The following DCC variants were observed in gnomAD, a reference collection of about 807,000 sequenced individuals.
DCC encodes netrin receptor DCC.
DCC carries 58 observed loss-of-function variants against 172.5 expected under a neutral mutation model. That is an observed-to-expected ratio of 0.34 (90% CI 0.27 to 0.42). The LOEUF (loss-of-function observed/expected upper bound fraction) is 0.42, where lower values mean the gene tolerates loss of function less well. Ranked by LOEUF, DCC falls within the 10% of genes least tolerant of loss-of-function variation. DCC has a pLI of 1.00. For missense variants in DCC, 1,740 were observed against 1,791.0 expected (o/e 0.97, Z 0.51); for synonymous variants, 709 against 644.5 (o/e 1.10, Z -1.52).
chr18:52,737,930 G>T (rs2036754104), intron 1 of DCC, among the ~76,000 whole-genome samples: 1 of 152,140 alleles, frequency 6.6e-6, no homozygotes, highest in African/African-American at 2.4e-5. Context: ...CTGTCAATCA[G>T]CAGTATCACC....
chr18:52,632,112 T>C (rs148724437), intron 1 of DCC, among the ~76,000 whole-genome samples: 1 of 152,346 alleles, frequency 6.6e-6, no homozygotes, highest in East Asian at 1.9e-4. Flanking sequence ...TCCTAGTTTC[T>C]GCTAGCAATT....
At position 53,097,343 on chromosome 18, in the gene DCC, T is replaced by C. The variant is rs115975729; in HGVS notation, c.1261+31177T>C. Among the ~76,000 whole-genome samples, 1,030 of 152,328 alleles carry C rather than the reference T, an allele frequency of 6.8e-3. 15 individuals are homozygous for C. Among genetic ancestry groups the C allele is most frequent in the African/African-American group, 0.023 (963 of 41,582 alleles). On this transcript the variant is annotated intron_variant, in intron 7 of 28. Transcript: ENST00000442544. ...TGGGACACCTAGGCCATTATCCTGC[T>C]AACACTACATCCTGTTGCCACCTAT... is the stretch of plus-strand genomic sequence containing the variant.
intron 5 of DCC, 52 bp from the exon 6 acceptor site, chr18:53,063,253 G>A (rs947031979): frequency 1.3e-5 from 20 of 1,572,476 alleles, no homozygotes; most frequent in African/African-American, 1.2e-4. Flanking sequence ...TCAGCAGCAT[G>A]CAAGTTCACA....
rs1185842098 is a variant in DCC at position 53,402,915 on chromosome 18, C to T, written c.2935+22C>T. 5 of 1,504,228 alleles carry T rather than the reference C, an allele frequency of 3.3e-6. No homozygotes were observed. In the East Asian group the frequency reaches 1.1e-4, roughly 34 times the overall value. The allele number at this position is 1,504,228 out of a possible 1,614,324, so 93.2% of individuals were successfully genotyped here. Reference sequence around the variant, plus strand: ...ACTGGTAAGCATCTCCACTTTCTCTCCCAGCATAGCTCTCCCTTGTCCTAT... The same window carrying T: ...ACTGGTAAGCATCTCCACTTTCTCTTCCAGCATAGCTCTCCCTTGTCCTAT... On this transcript the variant is annotated intron_variant, in intron 19 of 28. Coordinates refer to ENST00000442544, the MANE Select transcript of DCC (RefSeq NM_005215.4).
chr18:53,162,199 T>G (rs975905469), intron 8 of DCC, among the ~76,000 whole-genome samples: 1 of 149,262 alleles, frequency 6.7e-6, no homozygotes, highest in Non-Finnish European at 1.5e-5. Flanking sequence ...CTTAGAATGG[T>G]GAGGCAGGGG....
At chr18:52,723,968 G>A (rs965359281) in intron 1 of DCC, among the ~76,000 whole-genome samples, 3 of 152,124 alleles carry the variant, frequency 2.0e-5, no homozygotes, top group Non-Finnish European at 4.4e-5. Flanking sequence ...TCAGAAGTGG[G>A]AAGAGTTGAT....
At chr18:53,206,510 G>GTA (rs374087417) in intron 10 of DCC, among the ~76,000 whole-genome samples, 4 of 65,668 alleles carry the variant, frequency 6.1e-5, no homozygotes, top group East Asian at 2.2e-4. Flanking sequence ...ACATATCTAT[G>GTA]TATATACATG....
At chr18:52,869,998 G>C (rs1371670439) in intron 2 of DCC, among the ~76,000 whole-genome samples, 1 of 151,990 alleles carries the variant, frequency 6.6e-6, no homozygotes, top group Non-Finnish European at 1.5e-5. Context: ...GGGGGCTCCA[G>C]GTCCTCACTG....
intron 2 of DCC, among the ~76,000 whole-genome samples, chr18:52,868,135 T>C (rs1739977617): frequency 2.6e-5 from 4 of 151,594 alleles, no homozygotes; most frequent in African/African-American, 9.7e-5. Context: ...GTGTGTATTA[T>C]ATATAGTTTT....
intron 15 of DCC, among the ~76,000 whole-genome samples, chr18:53,348,263 A>G (rs914331218): frequency 2.6e-5 from 4 of 152,222 alleles, no homozygotes; most frequent in Non-Finnish European, 5.9e-5. Flanking sequence ...AAAGGGCTAT[A>G]GGCCCCATGA....
At chr18:52,607,933 T>A (rs932596604) in intron 1 of DCC, among the ~76,000 whole-genome samples, 2 of 152,120 alleles carry the variant, frequency 1.3e-5, no homozygotes, top group Admixed American at 6.6e-5. Context: ...ATAAATGATA[T>A]TTTGGAAAGA....
intron 1 of DCC, among the ~76,000 whole-genome samples, chr18:52,648,230 T>C (rs536604302): frequency 1.3e-5 from 2 of 152,310 alleles, no homozygotes; most frequent in South Asian, 4.1e-4. Flanking sequence ...GTGACAGCAC[T>C]TTGGTAGCTT....
intron 12 of DCC, among the ~76,000 whole-genome samples, chr18:53,305,255 C>T (rs936821402): frequency 2.6e-5 from 4 of 152,212 alleles, no homozygotes; most frequent in South Asian, 2.1e-4. Context: ...TATTAGTTGA[C>T]ATCTCTCATG....
At chr18:53,471,138 A>G (rs1446238086) in intron 25 of DCC, among the ~76,000 whole-genome samples, 8 of 152,114 alleles carry the variant, frequency 5.3e-5, no homozygotes, top group African/African-American at 1.7e-4. Context: ...TCTCTTCTTT[A>G]GCTTTTTGAA....
chr18:52,647,528 TC>T (rs1764881524), intron 1 of DCC, among the ~76,000 whole-genome samples: 1 of 152,128 alleles, frequency 6.6e-6, no homozygotes, highest in Non-Finnish European at 1.5e-5. Context: ...TTTGAGTAAG[TC>T]TGGAATCCCA....
chr18:52,373,887 CATT>C (rs1985232132), intron 1 of DCC, among the ~76,000 whole-genome samples: 3 of 141,114 alleles, frequency 2.1e-5, no homozygotes, highest in African/African-American at 5.3e-5. Context: ...TTGGTTGCAT[CATT>C]TTTTTTTTTT....
chr18:52,874,017 C>T (rs949538727), intron 2 of DCC, among the ~76,000 whole-genome samples: 3 of 152,060 alleles, frequency 2.0e-5, no homozygotes, highest in Non-Finnish European at 2.9e-5. Flanking sequence ...TTTGTCTTCA[C>T]GATCAAAAAT....
intron 3 of DCC, among the ~76,000 whole-genome samples, chr18:52,917,672 C>T (rs2040062010): frequency 6.6e-6 from 1 of 152,064 alleles, no homozygotes; most frequent in Non-Finnish European, 1.5e-5. Flanking sequence ...TTTAAGGCAC[C>T]CTGTGTAGCC....
At chr18:53,118,634 G>A (rs191672452) in intron 7 of DCC, among the ~76,000 whole-genome samples, 1 of 151,796 alleles carries the variant, frequency 6.6e-6, no homozygotes, top group East Asian at 2.0e-4. Context: ...TGTATAAGTG[G>A]GGACAATATA....
Sources: gnomAD v4.1 joint callset for allele counts (sites outside exome capture counted in the v4.1 genomes callset) on GRCh38, gnomAD v4.1.1 for gene constraint, MANE v1.5 for transcripts, NCBI Gene and HGNC (gene_info 2026-07-23, HGNC 2026-07-21) for gene names.